The following DNAJC9 variants were observed in gnomAD, a reference collection of about 807,000 sequenced individuals.
DNAJC9 encodes the protein dnaJ homolog subfamily C member 9.
In DNAJC9, 18 loss-of-function variants were observed where a neutral mutation model predicts 32.4. The observed-to-expected ratio is 0.56, with a 90% CI of 0.38 to 0.82. DNAJC9 has a LOEUF of 0.82. Among genes scored for constraint, DNAJC9 ranks in the 40% least tolerant of loss-of-function variants. The pLI, the probability that DNAJC9 is intolerant of heterozygous loss-of-function variation, is 0.00. For synonymous variants in DNAJC9, 113 were observed against 122.1 expected, an observed-to-expected ratio of 0.93 and a Z score of 0.49; for missense variants, 310 against 321.8, an observed-to-expected ratio of 0.96 and a Z score of 0.28.
Position 73,243,332 on chromosome 10 carries a change from A to G in DNAJC9, c.*68T>C. On this transcript the variant is annotated 3_prime_UTR_variant, in exon 5 of 5. Coordinates refer to ENST00000372950, the MANE Select transcript of DNAJC9 (RefSeq NM_015190.5). ...GAGCTGAATTGACTTTTGCCTTCAAATCCTGCCTGCACCTTGCCTACGATG... is the reference window on the plus strand; with the variant it reads ...GAGCTGAATTGACTTTTGCCTTCAAGTCCTGCCTGCACCTTGCCTACGATG... 3 of 1,580,230 alleles carry G rather than the reference A, an allele frequency of 1.9e-6. No homozygotes were observed. Among genetic ancestry groups the G allele is most frequent in the Non-Finnish European group, 1.7e-6 (2 of 1,163,220 alleles).
downstream of DNAJC9, among the ~76,000 whole-genome samples, chr10:73,240,660 C>T (rs986609794): frequency 1.3e-5 from 2 of 150,104 alleles, no homozygotes; most frequent in African/African-American, 2.5e-5. Context: ...TGCAGTGAGC[C>T]GAGATCATGC....
chr10:73,239,811 TAAGAA>T (rs1463322327), downstream of DNAJC9, among the ~76,000 whole-genome samples: 3 of 152,228 alleles, frequency 2.0e-5, no homozygotes, highest in Non-Finnish European at 2.9e-5. Flanking sequence ...TAGGCCAAGG[TAAGAA>T]AAGAAATTCT....
Position 73,247,186 on chromosome 10 carries a change from C to A in DNAJC9, c.4G>T (p.Gly2Trp), listed in dbSNP as rs867769874. Residue 2 changes from glycine (G) to tryptophan (W), a missense_variant, in exon 1 of 5, where the codon GGG becomes TGG. Coordinates refer to ENST00000372950, the MANE Select transcript of DNAJC9 (RefSeq NM_015190.5). ...ACTTCCTCGCAAAGGTCCAGCAGCC[C>A]CATGCCGGGCGGAGATACGACCCCG... is the stretch of plus-strand genomic sequence containing the variant. M[G>W]LLDLCEEVFG... is the part of the protein sequence containing the mutation. 1 of 1,590,372 alleles carries A rather than the reference C, an allele frequency of 6.3e-7. No homozygotes were observed. The highest frequency in any genetic ancestry group is 1.3e-5 in the African/African-American group (1 of 74,240).
At chr10:73,240,556 C>CA (rs758302948), downstream of DNAJC9, among the ~76,000 whole-genome samples, 15 of 151,820 alleles carry the variant, frequency 9.9e-5, no homozygotes, top group Non-Finnish European at 1.8e-4. Context: ...ACTAAAAATA[C>CA]AAAAAATTAG....
downstream of DNAJC9, among the ~76,000 whole-genome samples, chr10:73,235,938 G>A (rs2043810675): frequency 6.6e-6 from 1 of 152,082 alleles, no homozygotes; most frequent in African/African-American, 2.4e-5. Context: ...TCAGCAATGG[G>A]GTCATGCACT....
downstream of DNAJC9, chr10:73,234,959 G>C: frequency 6.4e-7 from 1 of 1,551,242 alleles, no homozygotes; most frequent in Non-Finnish European, 8.7e-7. Context: ...CTTTCATATT[G>C]CCTCTCCATG....
chr10:73,239,652 C>CT (rs34824883), downstream of DNAJC9, among the ~76,000 whole-genome samples: 436 of 140,512 alleles, frequency 3.1e-3, 1 homozygote, highest in African/African-American at 7.9e-3. Context: ...GGTAAACTGC[C>CT]TTTTTTTTTT....
At chr10:73,239,286 G>C, downstream of DNAJC9, 7 of 1,538,272 alleles carry the variant, frequency 4.6e-6, no homozygotes, top group Non-Finnish European at 4.4e-6. Flanking sequence ...TGCATCATAA[G>C]AAGTGTCTCC....
At chr10:73,240,851 A>C (rs539873337), downstream of DNAJC9, 69 of 743,318 alleles carry the variant, frequency 9.3e-5, no homozygotes, top group African/African-American at 1.1e-3. Flanking sequence ...AGAAAGTCCA[A>C]TTCATAATTG....
chr10:73,246,461 G>T (rs752951234), intron 2 of DNAJC9, among the ~76,000 whole-genome samples: 10 of 151,984 alleles, frequency 6.6e-5, no homozygotes, highest in Non-Finnish European at 1.0e-4. Context: ...AAAATAAAGC[G>T]CATCCGGCAA....
downstream of DNAJC9, chr10:73,234,081 C>G (rs2043769198): frequency 6.6e-6 from 1 of 152,138 alleles, no homozygotes; most frequent in Admixed American, 6.6e-5. Flanking sequence ...TGTTGATTCA[C>G]AAAATGTCTT....
chr10:73,237,346 CCTT>C (rs2043843971), downstream of DNAJC9, among the ~76,000 whole-genome samples: 3 of 152,270 alleles, frequency 2.0e-5, no homozygotes, highest in African/African-American at 4.8e-5. Flanking sequence ...ACTGAATTTG[CCTT>C]CTTATAATCT....
At position 73,243,943 on chromosome 10, in the gene DNAJC9, TCA is replaced by T; in HGVS notation, c.577-16_577-15del. The T allele has an allele frequency of 6.2e-7, 1 of 1,611,708 alleles. No individual in the cohort carries two copies. Among genetic ancestry groups the T allele is most frequent in the African/African-American group, 1.3e-5 (1 of 74,912 alleles). Reference sequence around the variant, plus strand: ...CTCTTCCTGAGCCTGAAACAGGAACTCACATGAGACTCAGGGCCACCAGGAAA... The same window carrying T: ...CTCTTCCTGAGCCTGAAACAGGAACTCATGAGACTCAGGGCCACCAGGAAA... On this transcript the variant is annotated splice_polypyrimidine_tract_variant and intron_variant, in intron 3 of 4. Transcript: ENST00000372950.
chr10:73,239,669 A>G (rs1404284780), downstream of DNAJC9, among the ~76,000 whole-genome samples: 1 of 150,488 alleles, frequency 6.6e-6, no homozygotes, highest in Middle Eastern at 3.4e-3. Flanking sequence ...TTTTTTTTAA[A>G]TCTAAAAAGT....
At position 73,247,037 on chromosome 10, in the gene DNAJC9, G is replaced by A. The variant is rs1313297326; in HGVS notation, c.153C>T (p.Asp51=). The part of the protein sequence containing the change: ...QVHPDRVGEG[D]KEDATRRFQI... Reference sequence around the variant, plus strand: ...GGAAGCGGCGGGTGGCGTCCTCCTTGTCGCCCTCACCCACCCGGTCCGGGT... The same window carrying A: ...GGAAGCGGCGGGTGGCGTCCTCCTTATCGCCCTCACCCACCCGGTCCGGGT... The change falls in exon 1 of 5, where the codon GAC becomes GAT. Residue 51 remains aspartate (D), a synonymous_variant. Transcript: ENST00000372950. 2 of 1,540,040 alleles carry A rather than the reference G, an allele frequency of 1.3e-6. No individual in the cohort carries two copies. Among genetic ancestry groups the A allele is most frequent in the Non-Finnish European group, 8.8e-7 (1 of 1,141,792 alleles).
intron 1 of DNAJC9, 58 bp downstream of exon 1, chr10:73,246,952 C>A: frequency 6.4e-7 from 1 of 1,563,944 alleles, no homozygotes; most frequent in East Asian, 2.3e-5. Flanking sequence ...GCCCGGTAGC[C>A]AAAAGGCTAG....
Position 73,247,016 on chromosome 10 carries a change from G to T in DNAJC9, c.174C>A (p.Arg58=). 1 of 1,519,566 alleles carries T rather than the reference G, an allele frequency of 6.6e-7. No individual in the cohort carries two copies. The highest frequency in any genetic ancestry group is 2.0e-5 in the Admixed American group (1 of 51,134). 94.1% of individuals were successfully genotyped at this position (1,519,566 alleles called of 1,614,324 possible). The stretch of plus-strand genomic sequence containing the variant: ...GGGGCGGGACCCTGCATACCTGGAA[G>T]CGGCGGGTGGCGTCCTCCTTGTCGC... ...GEGDKEDATR[R]FQILGKVYSV... is the part of the protein sequence containing the mutation. The change falls in exon 1 of 5, where the codon CGC becomes CGA. Residue 58 remains arginine (R), a synonymous_variant. Transcript: ENST00000372950.
At chr10:73,238,278 CAG>C (rs1346262581), downstream of DNAJC9, among the ~76,000 whole-genome samples, 4 of 152,136 alleles carry the variant, frequency 2.6e-5, no homozygotes, top group Non-Finnish European at 4.4e-5. Flanking sequence ...GCCCAGGAGG[CAG>C]AGGTTGCAGT....
At chr10:73,246,901 G>A (rs1453003002) in intron 1 of DNAJC9, 73 bp from the exon 2 acceptor site, 1 of 1,606,040 alleles carries the variant, frequency 6.2e-7, no homozygotes, top group Non-Finnish European at 8.5e-7. Context: ...ATAAAGATCA[G>A]AAGGCGCCAA....
Sources: allele counts gnomAD v4.1 joint callset (sites outside exome capture counted in the v4.1 genomes callset), GRCh38; gene constraint gnomAD v4.1.1; transcripts MANE v1.5; gene names NCBI Gene and HGNC (gene_info 2026-07-23, HGNC 2026-07-21).